The following FLT3LG variants were observed in gnomAD, a reference collection of about 807,000 sequenced individuals.
FLT3LG encodes the protein fms related receptor tyrosine kinase 3 ligand, also known as fms-related tyrosine kinase 3 ligand.
A neutral mutation model predicts 30.9 loss-of-function variants in FLT3LG; 8 were observed. That is an observed-to-expected ratio of 0.26 (90% confidence interval 0.15 to 0.47). The LOEUF (loss-of-function observed/expected upper bound fraction) is 0.47. FLT3LG is among the 20% of genes least tolerant of loss of function. The pLI, the probability that FLT3LG is intolerant of heterozygous loss-of-function variation, is 0.99. For missense variants in FLT3LG, 278 were observed against 306.2 expected (o/e 0.91, Z 0.69); for synonymous variants, 123 against 135.9 (o/e 0.91, Z 0.66).
At chr19:49,483,866 C>CA (rs34619675) in intron 8 of FLT3LG, among the ~76,000 whole-genome samples, 1,329 of 49,644 alleles carry the variant, frequency 0.027, 39 homozygotes, top group East Asian at 0.054. Flanking sequence ...GACTCTGTCT[C>CA]AAAAAAAAAA....
chr19:49,484,327 T>C (rs2079726699), intron 8 of FLT3LG, among the ~76,000 whole-genome samples: 1 of 139,906 alleles, frequency 7.1e-6, no homozygotes, highest in Admixed American at 7.2e-5. Flanking sequence ...AGACTTTTGC[T>C]CTTGTTAGCC....
At chr19:49,485,624 C>T (rs138665393) in intron 8 of FLT3LG, among the ~76,000 whole-genome samples, 5,435 of 152,118 alleles carry the variant, frequency 0.036, 323 homozygotes, top group African/African-American at 0.12. Context: ...TCAGGTGATC[C>T]GCCCGCCTCG....
At chr19:49,474,535 G>A (rs964507015) in intron 1 of FLT3LG, 68 bp from the exon 2 acceptor site, 127 of 1,051,732 alleles carry the variant, frequency 1.2e-4, no homozygotes, top group Non-Finnish European at 1.5e-4. Context: ...GGGCGGGGAG[G>A]CAAAGGGGCG....
At chr19:49,478,289 A>G (rs141517577) in intron 5 of FLT3LG, among the ~76,000 whole-genome samples, 3,441 of 151,812 alleles carry the variant, frequency 0.023, 134 homozygotes, top group African/African-American at 0.078. Flanking sequence ...AACACAATGA[A>G]ACCCCATCTC....
chr19:49,476,408 GGT>G lies in FLT3LG; in HGVS notation c.199-14_199-13del, dbSNP rs776269071. ...GCCCAGCTCCTCCCTCAGACCCGTG[GGT>G]TCTCCCCTCTAGGAGGAGCTCTGCG... is the stretch of plus-strand genomic sequence containing the variant. On this transcript the variant is annotated splice_polypyrimidine_tract_variant and intron_variant, in intron 4 of 8. Transcript: ENST00000597551. The surrounding 1 kb of genome is among the most constrained non-coding windows in gnomAD (Gnocchi z 5.3). 101 of 1,607,196 alleles carry G rather than the reference GGT, an allele frequency of 6.3e-5. No homozygotes were observed. Among genetic ancestry groups the G allele is most frequent in the Non-Finnish European group, 8.0e-5 (94 of 1,176,716 alleles).
At chr19:49,477,623 TC>T (rs2079439633) in intron 5 of FLT3LG, among the ~76,000 whole-genome samples, 1 of 152,150 alleles carries the variant, frequency 6.6e-6, no homozygotes, top group East Asian at 1.9e-4. Context: ...GCACCTGTAG[TC>T]CCAGCTACTT....
chr19:49,479,708 G>A (rs1034858739), intron 6 of FLT3LG: 6 of 169,300 alleles, frequency 3.5e-5, no homozygotes, highest in South Asian at 3.0e-4. Context: ...GTGTTTCACC[G>A]TGTCAGCCAG....
In FLT3LG at chr19:49,485,498, G is replaced by A. The variant is rs377028188; in HGVS notation, c.*22-517G>A. Among the ~76,000 whole-genome samples the A allele has an allele frequency of 2.6e-3, 388 of 152,068 alleles. 1 individual carries two copies. Among genetic ancestry groups the A allele is most frequent in the African/African-American group, 8.9e-3 (371 of 41,468 alleles). On this transcript the variant is annotated intron_variant, in intron 8 of 8. Transcript: ENST00000597551. Reference sequence around the variant, plus strand: ...GGCTGGAGTGCAATGGTGCAATCTCGACTCACTGCAACCTCCGCCTCCCGG... The same window carrying A: ...GGCTGGAGTGCAATGGTGCAATCTCAACTCACTGCAACCTCCGCCTCCCGG...
At chr19:49,478,641 T>C (rs767774996) in intron 5 of FLT3LG, among the ~76,000 whole-genome samples, 6 of 151,664 alleles carry the variant, frequency 4.0e-5, no homozygotes, top group Admixed American at 2.0e-4. Flanking sequence ...GGCATGGTGG[T>C]GGGCACCTAT....
intron 5 of FLT3LG, among the ~76,000 whole-genome samples, chr19:49,478,131 A>G (rs951573978): frequency 1.3e-5 from 2 of 151,796 alleles, no homozygotes; most frequent in East Asian, 1.9e-4. Context: ...CCTGGCCAAC[A>G]TAGAGAAACC....
At chr19:49,481,172 G>C (rs903823549) in intron 8 of FLT3LG, 2 of 155,072 alleles carry the variant, frequency 1.3e-5, no homozygotes, top group African/African-American at 4.8e-5. Context: ...GAGTGGAGTG[G>C]ATGGGCAGAG....
At chr19:49,474,695 A>G in intron 2 of FLT3LG, 23 bp downstream of exon 2, 1 of 1,610,694 alleles carries the variant, frequency 6.2e-7, no homozygotes, top group Non-Finnish European at 8.5e-7. Context: ...CAGGGACAAG[A>G]TCAGGGGAGA....
chr19:49,485,575 T>C (rs922725370), intron 8 of FLT3LG, among the ~76,000 whole-genome samples: 2 of 152,116 alleles, frequency 1.3e-5, no homozygotes, highest in African/African-American at 4.8e-5. Flanking sequence ...GTAGAAACGG[T>C]TTCTCCATGT....
At chr19:49,478,621 A>T (rs2079481371) in intron 5 of FLT3LG, among the ~76,000 whole-genome samples, 1 of 151,476 alleles carries the variant, frequency 6.6e-6, no homozygotes, top group Non-Finnish European at 1.5e-5. Flanking sequence ...ACAAATACAA[A>T]AAATAGCTGG....
Position 49,476,374 on chromosome 19 carries a change from C to G in FLT3LG, c.199-49C>G, listed in dbSNP as rs945687022. 1 of 1,577,046 alleles carries G rather than the reference C, an allele frequency of 6.3e-7. No homozygotes were observed. The highest frequency in any genetic ancestry group is 8.6e-7 in the Non-Finnish European group (1 of 1,156,606). Reference sequence around the variant, plus strand: ...CCAGCCCCTCCTCCCTCAGACCCAGCAGCCCCGTGCCCAGCTCCTCCCTCA... The same window carrying G: ...CCAGCCCCTCCTCCCTCAGACCCAGGAGCCCCGTGCCCAGCTCCTCCCTCA... On this transcript the variant is annotated intron_variant, in intron 4 of 8. Coordinates refer to ENST00000597551, the MANE Select transcript of FLT3LG (RefSeq NM_001459.4). This position sits in a 1 kb window ranked among gnomAD's most constrained non-coding sequence, Gnocchi z 5.3.
chr19:49,475,810 C>T lies in FLT3LG; in HGVS notation c.144+9C>T, dbSNP rs760651712. 3 of 1,610,956 alleles carry T rather than the reference C, an allele frequency of 1.9e-6. No homozygotes were observed. The highest frequency in any genetic ancestry group is 1.7e-5 in the Admixed American group (1 of 59,932). On this transcript the variant is annotated intron_variant, in intron 3 of 8. Coordinates refer to ENST00000597551, the MANE Select transcript of FLT3LG (RefSeq NM_001459.4). ...TCAAAATCCGTGAGCTGGTGAGCGG[C>T]GCTGCCCCGGACCCCCTCATGTGAT...
rs1203496769 is a variant in FLT3LG, at chr19:49,476,893, T to A, written c.342+327T>A. On this transcript the variant is annotated intron_variant, in intron 5 of 8. Coordinates refer to ENST00000597551, the MANE Select transcript of FLT3LG (RefSeq NM_001459.4). This position sits in a 1 kb window ranked among gnomAD's most constrained non-coding sequence, Gnocchi z 5.3. ...CGGGCGTGGTGGCTCACTCCTGTAA[T>A]CCTAGCACTTTGGGAGGCTGAGGTG... 2.0e-5 allele frequency among the ~76,000 whole-genome samples: 3 copies of A among 151,826 alleles called. 1 individual carries two copies. Among genetic ancestry groups the A allele is most frequent in the Admixed American group, 1.3e-4 (2 of 15,232 alleles).
chr19:49,477,536 C>G (rs1030751096), intron 5 of FLT3LG, among the ~76,000 whole-genome samples: 2 of 149,640 alleles, frequency 1.3e-5, no homozygotes, highest in Non-Finnish European at 3.0e-5. Flanking sequence ...CTCAGGAGTT[C>G]GAGACCAGCC....
Position 49,474,666 on chromosome 19 carries a change from C to T in FLT3LG, c.27C>T (p.Ser9=). 1.2e-6 allele frequency: 2 copies of T among 1,612,222 alleles called. No individual in the cohort carries two copies. Among genetic ancestry groups the T allele is most frequent in the Non-Finnish European group, 8.5e-7 (1 of 1,179,618 alleles). Residue 9 remains serine, a synonymous_variant, in exon 2 of 9, where the codon AGC becomes AGT. Coordinates refer to ENST00000597551, the MANE Select transcript of FLT3LG (RefSeq NM_001459.4). ...TGACAGTGCTGGCGCCAGCCTGGAG[C>T]CCAACAGTGCGTAAACCCCAGGGAC... MTVLAPAW[S]PTTYLLLLLL...
Sources: gnomAD v4.1 joint callset for allele counts (sites outside exome capture counted in the v4.1 genomes callset) on GRCh38, gnomAD v4.1.1 for gene constraint, Gnocchi (gnomAD v3.1) non-coding constraint, MANE v1.5 for transcripts, NCBI Gene and HGNC (gene_info 2026-07-23, HGNC 2026-07-21) for gene names.